The following DDIAS variants were observed in gnomAD, a reference collection of about 807,000 sequenced individuals.
The protein encoded by DDIAS is DNA damage induced apoptosis suppressor, also known as DNA damage-induced apoptosis suppressor protein.
Under a neutral mutation model 15.7 loss-of-function variants are expected in DDIAS, and 14 were observed. The ratio of observed to expected loss-of-function variants is 0.89; its 90% CI spans 0.59 to 1.39. The LOEUF (loss-of-function observed/expected upper bound fraction) is 1.39. DDIAS is among the 40% of genes most tolerant of loss of function. The pLI is 0.00. For missense variants in DDIAS, 1,035 were observed against 1,130.9 expected, an observed-to-expected ratio of 0.92 and a Z score of 1.22; for synonymous variants, 355 against 395.9, an observed-to-expected ratio of 0.90 and a Z score of 1.23.
At chr11:82,908,153 C>T (rs1860466327) in intron 1 of DDIAS, among the ~76,000 whole-genome samples, 1 of 152,140 alleles carries the variant, frequency 6.6e-6, no homozygotes, top group African/African-American at 2.4e-5. Context: ...ACCGACTATT[C>T]CAAGACCTAA....
intron 3 of DDIAS, among the ~76,000 whole-genome samples, chr11:82,924,596 T>C (rs1860820753): frequency 6.6e-6 from 1 of 152,226 alleles, no homozygotes; most frequent in African/African-American, 2.4e-5. Flanking sequence ...GGAGGATTGC[T>C]TGAGTCCAGG....
chr11:82,927,043 T>C (rs1255501969), intron 3 of DDIAS, among the ~76,000 whole-genome samples: 1 of 152,176 alleles, frequency 6.6e-6, no homozygotes, highest in Non-Finnish European at 1.5e-5. Flanking sequence ...GGGTCATATA[T>C]TTACCAACTT....
chr11:82,912,561 G>A (rs1031917440), intron 1 of DDIAS, among the ~76,000 whole-genome samples: 1 of 152,138 alleles, frequency 6.6e-6, no homozygotes, highest in African/African-American at 2.4e-5. Context: ...ATTAGGCTTC[G>A]ATTTAAGGGA....
In DDIAS at chr11:82,914,733, G is replaced by A. The variant is rs548481924; in HGVS notation, c.-6G>A. Reference sequence around the variant, plus strand: ...TATTTTGTTTTGCAGACCACGGTGTGAACACATGAACAGAAGACGAAAATT... The same window carrying A: ...TATTTTGTTTTGCAGACCACGGTGTAAACACATGAACAGAAGACGAAAATT... On this transcript the variant is annotated 5_prime_UTR_variant, in exon 3 of 6. Transcript: ENST00000533655. 1.3e-6 allele frequency: 2 copies of A among 1,548,768 alleles called. No homozygotes were observed. The highest frequency in any genetic ancestry group is 2.2e-5 in the South Asian group (2 of 89,284).
Position 82,913,920 on chromosome 11 carries a change from G to A in DDIAS, c.-17+534G>A. On this transcript the variant is annotated intron_variant, in intron 2 of 5. Transcript: ENST00000533655. ...ATACATCTTATACACATAGTCTGAA[G>A]GTAATTTTATACAATACTTTTTTTT... 4.5e-6 allele frequency: 2 copies of A among 440,552 alleles called. 1 individual carries two copies. The highest frequency in any genetic ancestry group is 9.0e-6 in the Non-Finnish European group (2 of 222,460). 27.3% of individuals were successfully genotyped at this position (440,552 alleles called of 1,614,324 possible).
chr11:82,927,681 A>C (rs1001604207), intron 3 of DDIAS, among the ~76,000 whole-genome samples: 1 of 152,248 alleles, frequency 6.6e-6, no homozygotes, highest in African/African-American at 2.4e-5. Flanking sequence ...AACCTAACTG[A>C]GGGGTGGACA....
In DDIAS at chr11:82,932,459, A is replaced by G. The variant is rs764316152; in HGVS notation, c.1121A>G (p.Gln374Arg). The change falls in exon 6 of 6, where the codon CAG becomes CGG. Residue 374 changes from glutamine to arginine, a missense_variant. Gln to Arg is a conservative substitution (Grantham distance 43). Coordinates refer to ENST00000533655, the MANE Select transcript of DDIAS (RefSeq NM_145018.4). ...NRSQHELPCF[Q>R]HHGIDTPTSL... ...TCCCAGCATGAGCTACCATGTTTTC[A>G]GCATCATGGTATAGATACCCCAACT... 1.2e-5 allele frequency: 20 copies of G among 1,614,086 alleles called. No individual in the cohort carries two copies. The highest frequency in any genetic ancestry group is 1.6e-4 in the Middle Eastern group (1 of 6,084).
chr11:82,903,466 C>T (rs981500896), intron 1 of DDIAS, among the ~76,000 whole-genome samples: 1 of 152,204 alleles, frequency 6.6e-6, no homozygotes, highest in Non-Finnish European at 1.5e-5. Context: ...ATAAATGTCT[C>T]ATAAATGATA....
At chr11:82,920,822 T>C (rs183229030) in intron 3 of DDIAS, among the ~76,000 whole-genome samples, 1 of 152,348 alleles carries the variant, frequency 6.6e-6, no homozygotes, top group Non-Finnish European at 1.5e-5. Flanking sequence ...GAAAGTTCCA[T>C]GTGCTGTTGA....
At position 82,933,552 on chromosome 11, in the gene DDIAS, C is replaced by T; in HGVS notation, c.2214C>T (p.Ser738=). 6.2e-7 allele frequency: 1 copy of T among 1,614,078 alleles called. No homozygotes were observed. The highest frequency in any genetic ancestry group is 1.1e-5 in the South Asian group (1 of 91,076). ...CTTCACAAAAATTATCCTTGCAAAG[C>T]CTATCTGACTCTAGGCATTCAAGAA... is the stretch of plus-strand genomic sequence containing the variant. ...IQPSQKLSLQ[S]LSDSRHSRTC... is the part of the protein sequence containing the mutation. Residue 738 remains serine (S), a synonymous_variant, in exon 6 of 6, where the codon AGC becomes AGT. Coordinates refer to ENST00000533655, the MANE Select transcript of DDIAS (RefSeq NM_145018.4).
rs777711842 is a variant in DDIAS at position 82,933,775 on chromosome 11, G to GA, written c.2441dup (p.Asn814LysfsTer2). 74 of 1,610,314 alleles carry GA rather than the reference G, an allele frequency of 4.6e-5. No homozygotes were observed. The highest frequency in any genetic ancestry group is 3.3e-4 in the Middle Eastern group (2 of 6,060). ...CTATGAAAAAATAAGGATTTTCCCT[G>GA]AAAATGACAAACAGCAAGCCAGCCC... On this transcript the variant is annotated frameshift_variant, in exon 6 of 6. Coordinates refer to ENST00000533655, the MANE Select transcript of DDIAS (RefSeq NM_145018.4). LOFTEE classifies it low-confidence loss of function (END_TRUNC).
At chr11:82,922,797 C>T (rs1253299572) in intron 3 of DDIAS, 1 of 152,004 alleles carries the variant, frequency 6.6e-6, no homozygotes, top group Non-Finnish European at 1.5e-5. Flanking sequence ...TTTTCTGGTT[C>T]CTTCTTATTT....
Position 82,934,120 on chromosome 11 carries a change from G to A in DDIAS, c.2782G>A (p.Val928Ile). ...GAAATTAAAGAATATGCTTGCAGCAGTTGTTACGAAAAAGAAAACTCATAA... is the reference window on the plus strand; with the variant it reads ...GAAATTAAAGAATATGCTTGCAGCAATTGTTACGAAAAAGAAAACTCATAA... ...KKKLKNMLAAVVTKKKTHKYN... is the reference protein window; with the variant it reads ...KKKLKNMLAAIVTKKKTHKYN... The change falls in exon 6 of 6, where the codon GTT becomes ATT. Residue 928 changes from valine to isoleucine, a missense_variant. Coordinates refer to ENST00000533655, the MANE Select transcript of DDIAS (RefSeq NM_145018.4). 1.2e-6 allele frequency: 2 copies of A among 1,609,350 alleles called. No homozygotes were observed. The highest frequency in any genetic ancestry group is 8.5e-7 in the Non-Finnish European group (1 of 1,178,854).
chr11:82,912,643 C>T (rs1302600370), intron 1 of DDIAS, among the ~76,000 whole-genome samples: 2 of 152,202 alleles, frequency 1.3e-5, no homozygotes, highest in African/African-American at 4.8e-5. Flanking sequence ...GGCTGTTTTA[C>T]ATTCTTACTT....
Position 82,934,391 on chromosome 11 carries a change from T to C in DDIAS, c.*56T>C. On this transcript the variant is annotated 3_prime_UTR_variant, in exon 6 of 6. Coordinates refer to ENST00000533655, the MANE Select transcript of DDIAS (RefSeq NM_145018.4). Reference sequence around the variant, plus strand: ...TAAATCTGTTTGGAAATGTTTGCCTTCAGGGGTACGGAAAGCATTCTTTAC... The same window carrying C: ...TAAATCTGTTTGGAAATGTTTGCCTCCAGGGGTACGGAAAGCATTCTTTAC... The C allele has an allele frequency of 2.7e-6, 4 of 1,484,328 alleles. No homozygotes were observed. The highest frequency in any genetic ancestry group is 3.6e-6 in the Non-Finnish European group (4 of 1,106,318). The allele number at this position is 1,484,328 out of a possible 1,614,324, so 91.9% of individuals were successfully genotyped here. A position where few individuals can be genotyped will look rare whatever the true frequency, so the allele number is the denominator to read the frequency against.
intron 3 of DDIAS, among the ~76,000 whole-genome samples, chr11:82,926,757 A>C (rs996006826): frequency 6.6e-6 from 1 of 152,204 alleles, no homozygotes; most frequent in African/African-American, 2.4e-5. Flanking sequence ...GAGAAGCTCT[A>C]ATCTGTATTA....
At chr11:82,921,859 A>G (rs4508227) in intron 3 of DDIAS, among the ~76,000 whole-genome samples, 82,415 of 151,964 alleles carry the variant, frequency 0.54, 23,186 homozygotes, top group African/African-American at 0.7. Flanking sequence ...GATTACAGGC[A>G]TGAGCCACTG....
At chr11:82,907,085 C>T (rs1479511780) in intron 1 of DDIAS, among the ~76,000 whole-genome samples, 3 of 151,958 alleles carry the variant, frequency 2.0e-5, no homozygotes, top group Non-Finnish European at 4.4e-5. Context: ...TCTGGGAAAA[C>T]GTCCTAGAAA....
intron 3 of DDIAS, among the ~76,000 whole-genome samples, chr11:82,916,546 T>C (rs1274443106): frequency 6.6e-6 from 1 of 152,198 alleles, no homozygotes; most frequent in Non-Finnish European, 1.5e-5. Flanking sequence ...ACATTATCAG[T>C]AATATATAGA....
Sources: allele counts gnomAD v4.1 joint callset (sites outside exome capture counted in the v4.1 genomes callset), GRCh38; gene constraint gnomAD v4.1.1; transcripts MANE v1.5; gene names NCBI Gene and HGNC (gene_info 2026-07-23, HGNC 2026-07-21).